Variants in PPP1R13B observed in about 807,000 individuals in gnomAD.
PPP1R13B encodes apoptosis-stimulating of p53 protein 1.
In PPP1R13B, 44 loss-of-function variants were observed where a neutral mutation model predicts 119.8. That is an observed-to-expected ratio of 0.37 (90% CI 0.29 to 0.47). The LOEUF is 0.47. Ranked by LOEUF, PPP1R13B falls within the 20% of genes least tolerant of loss-of-function variation. The pLI, the probability that PPP1R13B is intolerant of heterozygous loss-of-function variation, is 0.99. For synonymous variants in PPP1R13B, 542 were observed against 561.5 expected, an observed-to-expected ratio of 0.97 and a Z score of 0.49; for missense variants, 1,227 against 1,413.5, an observed-to-expected ratio of 0.87 and a Z score of 2.12.
chr14:103,848,069 C>T (rs1411313034), upstream of PPP1R13B, among the ~76,000 whole-genome samples: 1 of 151,754 alleles, frequency 6.6e-6, no homozygotes, highest in African/African-American at 2.4e-5. Context: ...GCGCGGGGGG[C>T]CCCCGGAGCG....
chr14:103,814,643 T>TA (rs1376574935), intron 1 of PPP1R13B, among the ~76,000 whole-genome samples: 37 of 150,398 alleles, frequency 2.5e-4, no homozygotes, highest in Middle Eastern at 3.4e-3. Context: ...CATCACTATT[T>TA]AAAAAAAAAC....
At chr14:103,756,156 G>A (rs569976038) in intron 5 of PPP1R13B, among the ~76,000 whole-genome samples, 11 of 151,616 alleles carry the variant, frequency 7.3e-5, no homozygotes, top group African/African-American at 1.2e-4. Context: ...GTGCAATGGC[G>A]CGATCTCAGC....
chr14:103,749,373 C>T (rs1406445779), intron 8 of PPP1R13B, among the ~76,000 whole-genome samples: 7 of 152,112 alleles, frequency 4.6e-5, no homozygotes, highest in Admixed American at 2.0e-4. Context: ...AGAATCCTTA[C>T]AACAACTCAC....
chr14:103,740,771 T>C lies in PPP1R13B; in HGVS notation c.1823-178A>G, dbSNP rs1567083889. On this transcript the variant is annotated intron_variant, in intron 11 of 16. Transcript: ENST00000202556. This position sits in a 1 kb window ranked among gnomAD's most constrained non-coding sequence, Gnocchi z 4.6. ...TCCCCCTCTTAGAGCCTCCACTGAC[T>C]CCTTCTGAAAGGTGCAGTGCCTCTC... Among the ~76,000 whole-genome samples, 1 of 152,188 alleles carries C rather than the reference T, an allele frequency of 6.6e-6. No individual in the cohort carries two copies. The highest frequency in any genetic ancestry group is 1.9e-4 in the East Asian group (1 of 5,190).
chr14:103,766,157 T>TG (rs1462030393), intron 4 of PPP1R13B, among the ~76,000 whole-genome samples: 1 of 151,890 alleles, frequency 6.6e-6, no homozygotes, highest in East Asian at 1.9e-4. Flanking sequence ...CACAGACGTA[T>TG]GCCACCATGC....
Position 103,734,331 on chromosome 14 carries a change from AC to A in PPP1R13B, c.*822del, listed in dbSNP as rs2084033577. 2 of 368,278 alleles carry A rather than the reference AC, an allele frequency of 5.4e-6. No homozygotes were observed. The highest frequency in any genetic ancestry group is 1.1e-5 in the Non-Finnish European group (2 of 184,006). 22.8% of individuals were successfully genotyped at this position (368,278 alleles called of 1,614,324 possible). A position where few individuals can be genotyped will look rare whatever the true frequency, so the allele number is the denominator to read the frequency against. On this transcript the variant is annotated 3_prime_UTR_variant, in exon 17 of 17. Coordinates refer to ENST00000202556, the MANE Select transcript of PPP1R13B (RefSeq NM_015316.3). ...TCACACCAGTCCACCCCCAGCCCCA[AC>A]CCCAACCACCCTCCGCTGCCACGGC...
intron 2 of PPP1R13B, among the ~76,000 whole-genome samples, chr14:103,785,682 T>C (rs1197203391): frequency 6.6e-6 from 1 of 151,846 alleles, no homozygotes; most frequent in Non-Finnish European, 1.5e-5. Context: ...CAGCTAATTT[T>C]TGTGTTTTTA....
intron 9 of PPP1R13B, 135 bp downstream of exon 9, chr14:103,746,238 C>G: frequency 1.1e-6 from 1 of 939,688 alleles, no homozygotes; most frequent in Non-Finnish European, 1.5e-6. Flanking sequence ...AAGCGCCTCA[C>G]GGGGAGACTG....
rs182687135 is a variant in PPP1R13B at position 103,768,448 on chromosome 14, C to A, written c.354+10297G>T. On this transcript the variant is annotated intron_variant, in intron 4 of 16. Transcript: ENST00000202556. ...AGTAGCTGGAACTACAGGCGTGCGCCACCACGCCCGGCTAATTTTTTTTGT... is the reference window on the plus strand; with the variant it reads ...AGTAGCTGGAACTACAGGCGTGCGCAACCACGCCCGGCTAATTTTTTTTGT... Among the ~76,000 whole-genome samples, 557 of 152,320 alleles carry A rather than the reference C, an allele frequency of 3.7e-3. 5 individuals are homozygous for A. The highest frequency in any genetic ancestry group is 0.013 in the African/African-American group (540 of 41,554).
Position 103,740,397 on chromosome 14 carries a change from G to A in PPP1R13B, c.2019C>T (p.Thr673=). Residue 673 remains threonine, a synonymous_variant, in exon 12 of 17, where the codon ACC becomes ACT. Coordinates refer to ENST00000202556, the MANE Select transcript of PPP1R13B (RefSeq NM_015316.3). This position sits in a 1 kb window ranked among gnomAD's most constrained non-coding sequence, Gnocchi z 4.6. ...VESLPRPLSP[T]KLTPIVHSPL... ...GCGAATGCACGATGGGCGTGAGCTT[G>A]GTGGGGCTGAGTGGCCGTGGCAGGC... 6.3e-7 allele frequency: 1 copy of A among 1,579,492 alleles called. No homozygotes were observed. The highest frequency in any genetic ancestry group is 8.6e-7 in the Non-Finnish European group (1 of 1,160,066).
At chr14:103,835,855 T>G (rs1001983343) in intron 1 of PPP1R13B, among the ~76,000 whole-genome samples, 2 of 151,792 alleles carry the variant, frequency 1.3e-5, no homozygotes, top group African/African-American at 4.8e-5. Context: ...GTGATCCGCC[T>G]GCCTCGGCCT....
intron 1 of PPP1R13B, among the ~76,000 whole-genome samples, chr14:103,803,146 C>T (rs535804284): frequency 6.6e-6 from 1 of 152,220 alleles, no homozygotes; most frequent in South Asian, 2.1e-4. Context: ...TGTATTGATT[C>T]TAGATGCACT....
At chr14:103,775,909 G>A (rs1419035650) in intron 4 of PPP1R13B, among the ~76,000 whole-genome samples, 1 of 152,020 alleles carries the variant, frequency 6.6e-6, no homozygotes, top group African/African-American at 2.4e-5. Flanking sequence ...ATTTCTCCCT[G>A]AGTGGCAGAA....
At chr14:103,819,499 T>TAAA (rs151084316) in intron 1 of PPP1R13B, among the ~76,000 whole-genome samples, 38 of 122,036 alleles carry the variant, frequency 3.1e-4, no homozygotes, top group African/African-American at 5.5e-4. Context: ...ATCTGTCTAT[T>TAAA]AAAAAAAACA....
chr14:103,759,850 A>G (rs1158516528), intron 4 of PPP1R13B, among the ~76,000 whole-genome samples: 1 of 152,186 alleles, frequency 6.6e-6, no homozygotes, highest in Non-Finnish European at 1.5e-5. Flanking sequence ...CCTAAACCAA[A>G]AAGTATTTTA....
intron 1 of PPP1R13B, chr14:103,846,636 T>C (rs1231461486): frequency 2.4e-6 from 1 of 423,940 alleles, no homozygotes; most frequent in South Asian, 1.7e-5. Flanking sequence ...GAAGGGTCGG[T>C]AGGACGATGG....
chr14:103,764,452 T>TAAC (rs1443090512), intron 4 of PPP1R13B: 1 of 353,842 alleles, frequency 2.8e-6, no homozygotes, highest in Non-Finnish European at 5.6e-6. Context: ...TGTTGAATTG[T>TAAC]AACAGTATGT....
At chr14:103,835,628 A>G (rs2086758257) in intron 1 of PPP1R13B, among the ~76,000 whole-genome samples, 1 of 143,276 alleles carries the variant, frequency 7.0e-6, no homozygotes, top group Admixed American at 6.9e-5. Flanking sequence ...TTTTTTTTTG[A>G]GACGGAGTCT....
At chr14:103,741,588 A>T (rs1396098391) in intron 11 of PPP1R13B, among the ~76,000 whole-genome samples, 1 of 152,218 alleles carries the variant, frequency 6.6e-6, no homozygotes, top group Non-Finnish European at 1.5e-5. Flanking sequence ...GAGAACTGTG[A>T]GCCATCTGCA....
Sources: gnomAD v4.1 joint callset for allele counts (sites outside exome capture counted in the v4.1 genomes callset) on GRCh38, gnomAD v4.1.1 for gene constraint, Gnocchi (gnomAD v3.1) non-coding constraint, MANE v1.5 for transcripts, NCBI Gene and HGNC (gene_info 2026-07-23, HGNC 2026-07-21) for gene names.